Variants in OPRM1 observed in about 807,000 individuals in gnomAD.
The protein encoded by OPRM1 is mu-type opioid receptor.
OPRM1 carries 27 observed loss-of-function variants against 31.8 expected under a neutral mutation model. The ratio of observed to expected loss-of-function variants is 0.85; its 90% CI spans 0.63 to 1.17. The LOEUF (loss-of-function observed/expected upper bound fraction) is 1.17, where lower values mean the gene tolerates loss of function less well. Ranked by LOEUF, OPRM1 falls within the 50% of genes most tolerant of loss-of-function variation. The pLI is 0.00. For missense variants in OPRM1, 536 were observed against 511.1 expected (o/e 1.05, Z -0.47); for synonymous variants, 196 against 189.9 (o/e 1.03, Z -0.26).
At chr6:154,091,494 G>A (rs1281009665) in intron 3 of OPRM1, 22 bp downstream of exon 3, 2 of 1,595,294 alleles carry the variant, frequency 1.3e-6, no homozygotes, top group Admixed American at 1.7e-5. Context: ...CTAGAATTAG[G>A]TATATCTACT....
At chr6:154,186,537 G>A (rs982337689) in intron 3 of OPRM1, among the ~76,000 whole-genome samples, 2 of 151,970 alleles carry the variant, frequency 1.3e-5, no homozygotes, top group Non-Finnish European at 2.9e-5. Context: ...CACGGAGCCA[G>A]AGCAGCTCCT....
At chr6:154,101,470 T>C (rs528511406) in intron 3 of OPRM1, among the ~76,000 whole-genome samples, 1 of 152,342 alleles carries the variant, frequency 6.6e-6, no homozygotes, top group African/African-American at 2.4e-5. Flanking sequence ...GTGACTTGCA[T>C]ATACTATAAT....
rs971994297 is a variant in OPRM1, at chr6:154,130,335, A to AT, written c.*11620dup. On this transcript the variant is annotated 3_prime_UTR_variant, in exon 4 of 4. Coordinates refer to ENST00000330432, the MANE Select transcript of OPRM1 (RefSeq NM_000914.5). ...AGGTGCCCGCCACAACACCTGGCTA[A>AT]TTTTTTGTATTTTTAGTAGAGATGG... Among the ~76,000 whole-genome samples the AT allele has an allele frequency of 1.3e-5, 2 of 151,694 alleles. No individual in the cohort carries two copies. The highest frequency in any genetic ancestry group is 2.9e-5 in the Non-Finnish European group (2 of 67,916).
At chr6:154,173,054 C>G (rs961717209) in intron 3 of OPRM1, among the ~76,000 whole-genome samples, 1 of 152,228 alleles carries the variant, frequency 6.6e-6, no homozygotes, top group African/African-American at 2.4e-5. Flanking sequence ...CAGCAAACTC[C>G]AACAGACGTG....
intron 3 of OPRM1, among the ~76,000 whole-genome samples, chr6:154,227,146 G>A (rs1249809055): frequency 6.6e-6 from 1 of 152,112 alleles, no homozygotes; most frequent in Non-Finnish European, 1.5e-5. Context: ...AGAGGTTGCA[G>A]TGAGCCAAGA....
intron 3 of OPRM1, among the ~76,000 whole-genome samples, chr6:154,102,149 GCCTGGTCTTAAACT>G (rs1489007257): frequency 6.6e-6 from 1 of 151,990 alleles, no homozygotes; most frequent in Non-Finnish European, 1.5e-5. Context: ...CGTGTTGCGA[GCCTGGTCTTAAACT>G]CCTGGGCTGA....
chr6:154,108,668 G>A, intron 3 of OPRM1: 1 of 410,762 alleles, frequency 2.4e-6, no homozygotes, highest in Non-Finnish European at 3.3e-6. Context: ...CATCAAAGCT[G>A]TTCTTAGCCA....
At chr6:154,212,947 C>A in intron 3 of OPRM1, 1 of 845,644 alleles carries the variant, frequency 1.2e-6, no homozygotes, top group Non-Finnish European at 2.0e-6. Flanking sequence ...CTGGCTATTG[C>A]AATTTCAATC....
intron 3 of OPRM1, among the ~76,000 whole-genome samples, chr6:154,198,379 T>C (rs536741792): frequency 1.9e-3 from 295 of 152,300 alleles, no homozygotes; most frequent in Admixed American, 4.1e-3. Context: ...AAGGTTTCCT[T>C]TCTCCTCCCT....
intron 1 of OPRM1, among the ~76,000 whole-genome samples, chr6:154,044,119 T>TAG (rs3836998): frequency 1.0e-3 from 152 of 148,940 alleles, no homozygotes; most frequent in Admixed American, 1.9e-3. Flanking sequence ...GATAGATAGA[T>TAG]AGAGAGAGAG....
intron 3 of OPRM1, among the ~76,000 whole-genome samples, chr6:154,230,022 T>C (rs540461917): frequency 6.6e-6 from 1 of 152,104 alleles, no homozygotes; most frequent in African/African-American, 2.4e-5. Flanking sequence ...GGCAAATCTA[T>C]AGAGACAGAA....
chr6:154,150,840 T>G (rs1798481815), intron 3 of OPRM1, among the ~76,000 whole-genome samples: 1 of 120,928 alleles, frequency 8.3e-6, no homozygotes, highest in African/African-American at 2.6e-5. Flanking sequence ...CCACAGAAGA[T>G]TAGTATTAAT....
chr6:154,227,313 T>C (rs1404853765), intron 3 of OPRM1, among the ~76,000 whole-genome samples: 1 of 152,246 alleles, frequency 6.6e-6, no homozygotes, highest in East Asian at 1.9e-4. Flanking sequence ...GATTAGTTTC[T>C]AGACAACTCA....
At position 154,058,615 on chromosome 6, in the gene OPRM1, C is replaced by T. The variant is rs148493239; in HGVS notation, c.290+18781C>T. ...TATTCTAAGGACAAATAAACATGAA[C>T]GTAGTAGAATATTGGTCCCTAGCAA... On this transcript the variant is annotated intron_variant, in intron 1 of 3. Transcript: ENST00000330432. Among the ~76,000 whole-genome samples the T allele has an allele frequency of 7.2e-5, 11 of 152,174 alleles. No individual in the cohort carries two copies. The East Asian group carries it at 1.9e-3, about 27-fold the overall frequency.
At chr6:154,164,705 G>A (rs1351888709) in intron 3 of OPRM1, among the ~76,000 whole-genome samples, 1 of 152,136 alleles carries the variant, frequency 6.6e-6, no homozygotes, top group African/African-American at 2.4e-5. Context: ...GAGTAGCTAC[G>A]GGAAGAAAGG....
At chr6:154,136,567 T>A (rs1047548556), downstream of OPRM1, among the ~76,000 whole-genome samples, 5 of 152,126 alleles carry the variant, frequency 3.3e-5, no homozygotes, top group African/African-American at 9.7e-5. Context: ...GCCAGGGGGA[T>A]CTCATGTTCC....
intron 3 of OPRM1, chr6:154,158,753 AT>A (rs1583667931): frequency 6.6e-6 from 1 of 152,350 alleles, no homozygotes; most frequent in East Asian, 1.9e-4. Context: ...AGCACAATAT[AT>A]AATAGTATAT....
At chr6:154,050,174 C>A (rs1225998231) in intron 1 of OPRM1, among the ~76,000 whole-genome samples, 1 of 152,092 alleles carries the variant, frequency 6.6e-6, no homozygotes, top group Non-Finnish European at 1.5e-5. Flanking sequence ...TGGCTTAGAT[C>A]TCAGTACTTG....
intron 3 of OPRM1, among the ~76,000 whole-genome samples, chr6:154,167,543 G>A (rs532637463): frequency 2.3e-4 from 35 of 152,246 alleles, no homozygotes; most frequent in African/African-American, 7.7e-4. Flanking sequence ...TTATTTATAC[G>A]ACTGTTTATT....
Sources: gnomAD v4.1 joint callset for allele counts (sites outside exome capture counted in the v4.1 genomes callset) on GRCh38, gnomAD v4.1.1 for gene constraint, MANE v1.5 for transcripts, NCBI Gene and HGNC (gene_info 2026-07-23, HGNC 2026-07-21) for gene names.